PLCXD3: variants seen among roughly 807,000 people sequenced by gnomAD.
PLCXD3 encodes phosphatidylinositol specific phospholipase C X domain containing 3.
A neutral mutation model predicts 25.5 loss-of-function variants in PLCXD3; 19 were observed. The observed-to-expected ratio is 0.75, with a 90% confidence interval of 0.52 to 1.09. The LOEUF (loss-of-function observed/expected upper bound fraction) is 1.09, where lower values mean the gene tolerates loss of function less well. Among genes scored for constraint, PLCXD3 ranks in the 50% least tolerant of loss-of-function variants. The pLI is 0.00. For synonymous variants in PLCXD3, 174 were observed against 137.6 expected (o/e 1.26, Z -1.85); for missense variants, 411 against 388.1 (o/e 1.06, Z -0.50).
rs1231006595 is a variant in PLCXD3, at chr5:41,381,960, G to A, written c.678C>T (p.Ile226=). Residue 226 remains isoleucine, a synonymous_variant, in exon 2 of 3, where the codon ATC becomes ATT. Coordinates refer to ENST00000377801, the MANE Select transcript of PLCXD3 (RefSeq NM_001005473.3). ...WANTTDPEKL[I]QFLQASITER... ...CAGTGATGGATGCTTGAAGAAACTG[G>A]ATCAGTTTCTCGGGGTCTGTGGTGT... 7 of 1,613,426 alleles carry A rather than the reference G, an allele frequency of 4.3e-6. No homozygotes were observed. The highest frequency in any genetic ancestry group is 1.1e-5 in the South Asian group (1 of 91,058).
chr5:41,407,715 C>T (rs1036118355), intron 1 of PLCXD3, among the ~76,000 whole-genome samples: 6 of 152,160 alleles, frequency 3.9e-5, no homozygotes, highest in African/African-American at 1.4e-4. Context: ...TTTCACTTGA[C>T]ATAATAAATG....
intron 1 of PLCXD3, among the ~76,000 whole-genome samples, chr5:41,479,013 C>A (rs981820407): frequency 6.6e-6 from 1 of 152,082 alleles, no homozygotes; most frequent in Non-Finnish European, 1.5e-5. Flanking sequence ...CAAGGCCCCT[C>A]CCCTAACACG....
intron 2 of PLCXD3, among the ~76,000 whole-genome samples, chr5:41,349,925 AT>A (rs199678160): frequency 0.053 from 7,681 of 143,878 alleles, 420 homozygotes; most frequent in East Asian, 0.13. Context: ...GCAGGATTGG[AT>A]TTTTTTTTTT....
At chr5:41,482,616 A>T (rs2150523244) in intron 1 of PLCXD3, among the ~76,000 whole-genome samples, 2 of 152,324 alleles carry the variant, frequency 1.3e-5, no homozygotes, top group South Asian at 4.1e-4. Context: ...AAACAAACTT[A>T]TTGGCCATGT....
rs146181444 is a variant in PLCXD3, at chr5:41,399,464, C to A, written c.104-16930G>T. ...AAATTATACTACAAAGCTACAGTAACCAAAACAGCATGGTACTGACATAAA... is the reference window on the plus strand; with the variant it reads ...AAATTATACTACAAAGCTACAGTAAACAAAACAGCATGGTACTGACATAAA... On this transcript the variant is annotated intron_variant, in intron 1 of 2. Coordinates refer to ENST00000377801, the MANE Select transcript of PLCXD3 (RefSeq NM_001005473.3). Among the ~76,000 whole-genome samples, 819 of 152,156 alleles carry A rather than the reference C, an allele frequency of 5.4e-3. 4 individuals are homozygous for A. The highest frequency in any genetic ancestry group is 8.3e-3 in the Non-Finnish European group (561 of 67,982).
At chr5:41,337,750 T>C (rs1046749251) in intron 2 of PLCXD3, among the ~76,000 whole-genome samples, 3 of 152,160 alleles carry the variant, frequency 2.0e-5, no homozygotes, top group Non-Finnish European at 4.4e-5. Flanking sequence ...GAGAAATATG[T>C]CATCTGTTCT....
At position 41,382,098 on chromosome 5, in the gene PLCXD3, A is replaced by G. The variant is rs1745481165; in HGVS notation, c.540T>C (p.Ser180=). 1.9e-6 allele frequency: 3 copies of G among 1,613,488 alleles called. No individual in the cohort carries two copies. Among genetic ancestry groups the G allele is most frequent in the Non-Finnish European group, 2.5e-6 (3 of 1,179,742 alleles). Residue 180 remains serine, a synonymous_variant, in exon 2 of 3, where the codon AGT becomes AGC. Transcript: ENST00000377801. The part of the protein sequence containing the change: ...MCPAIFAQEV[S]LKYLWEKDYQ... ...AGTCCTTCTCCCACAGGTACTTTAA[A>G]CTAACTTCCTGGGCAAAAATCGCTG...
At chr5:41,325,603 A>G (rs1013367586) in intron 2 of PLCXD3, among the ~76,000 whole-genome samples, 8 of 152,262 alleles carry the variant, frequency 5.3e-5, no homozygotes, top group African/African-American at 1.9e-4. Context: ...TGAAGAACTA[A>G]TTTTTGTTTT....
chr5:41,336,826 C>A (rs1480416820), intron 2 of PLCXD3, among the ~76,000 whole-genome samples: 3 of 152,160 alleles, frequency 2.0e-5, no homozygotes, highest in Admixed American at 1.3e-4. Flanking sequence ...AGTCCAATTT[C>A]TTCCTCTACA....
At chr5:41,320,710 A>T (rs1339760607) in intron 2 of PLCXD3, among the ~76,000 whole-genome samples, 1 of 152,142 alleles carries the variant, frequency 6.6e-6, no homozygotes, top group East Asian at 1.9e-4. Context: ...GTTAGCCAGG[A>T]TGGTCTCGAT....
At chr5:41,384,279 A>C (rs1745570538) in intron 1 of PLCXD3, among the ~76,000 whole-genome samples, 1 of 152,114 alleles carries the variant, frequency 6.6e-6, no homozygotes, top group African/African-American at 2.4e-5. Flanking sequence ...CTGCATACTG[A>C]TTTATTAGTT....
At chr5:41,483,465 C>A (rs1163474534) in intron 1 of PLCXD3, among the ~76,000 whole-genome samples, 1 of 151,954 alleles carries the variant, frequency 6.6e-6, no homozygotes, top group Non-Finnish European at 1.5e-5. Flanking sequence ...AAAAGGTTGT[C>A]GCTGTAAAAA....
intron 2 of PLCXD3, among the ~76,000 whole-genome samples, chr5:41,317,617 C>G (rs751310463): frequency 7.9e-5 from 12 of 151,652 alleles, no homozygotes; most frequent in Non-Finnish European, 1.8e-4. Flanking sequence ...AGGTTCAAGA[C>G]AACACAGAGA....
intron 1 of PLCXD3, among the ~76,000 whole-genome samples, chr5:41,469,478 A>C (rs1748102034): frequency 7.0e-6 from 1 of 143,578 alleles, no homozygotes; most frequent in South Asian, 2.2e-4. Flanking sequence ...TCAACCATGA[A>C]TCCATCTGGT....
intron 1 of PLCXD3, among the ~76,000 whole-genome samples, chr5:41,390,355 T>C (rs570874741): frequency 6.6e-6 from 1 of 152,252 alleles, no homozygotes; most frequent in Non-Finnish European, 1.5e-5. Context: ...CATTTCTCTT[T>C]CATTATTATT....
At chr5:41,460,338 G>T (rs1282291256) in intron 1 of PLCXD3, among the ~76,000 whole-genome samples, 1 of 151,928 alleles carries the variant, frequency 6.6e-6, no homozygotes, top group African/African-American at 2.4e-5. Context: ...TATAAACAGA[G>T]GTGCTTAGAT....
At chr5:41,494,398 G>A (rs1748789675) in intron 1 of PLCXD3, among the ~76,000 whole-genome samples, 1 of 152,202 alleles carries the variant, frequency 6.6e-6, no homozygotes, top group African/African-American at 2.4e-5. Flanking sequence ...TGTAATAGTG[G>A]CAGCAGAGAA....
intron 1 of PLCXD3, among the ~76,000 whole-genome samples, chr5:41,484,966 A>C (rs973774105): frequency 6.6e-6 from 1 of 152,226 alleles, no homozygotes; most frequent in African/African-American, 2.4e-5. Context: ...AGTGAAGACC[A>C]GAACCATGTT....
intron 1 of PLCXD3, among the ~76,000 whole-genome samples, chr5:41,432,328 C>A (rs1178476336): frequency 6.6e-6 from 1 of 152,170 alleles, no homozygotes; most frequent in Non-Finnish European, 1.5e-5. Context: ...TTGTGAAATT[C>A]AGGTAAGTTT....
Sources: gnomAD v4.1 joint callset for allele counts (sites outside exome capture counted in the v4.1 genomes callset) on GRCh38, gnomAD v4.1.1 for gene constraint, MANE v1.5 for transcripts, NCBI Gene and HGNC (gene_info 2026-07-23, HGNC 2026-07-21) for gene names.